Variants in GRAMD1A observed in about 807,000 individuals in gnomAD.
GRAMD1A encodes GRAM domain containing 1A, also known as protein Aster-A.
Under a neutral mutation model 92.0 loss-of-function variants are expected in GRAMD1A, and 50 were observed. The ratio of observed to expected loss-of-function variants is 0.54; its 90% CI spans 0.43 to 0.69. The LOEUF (loss-of-function observed/expected upper bound fraction) is 0.69, where lower values mean the gene tolerates loss of function less well. GRAMD1A is among the 30% of genes least tolerant of loss of function. The probability of loss-of-function intolerance (pLI) is 0.00; values close to 1 mark genes in which losing one functional copy is unlikely to be tolerated. For missense variants in GRAMD1A, 819 were observed against 978.9 expected (o/e 0.84, Z 2.18); for synonymous variants, 405 against 403.6 (o/e 1.00, Z -0.04).
chr19:35,023,017 G>A (rs1600342505), intron 17 of GRAMD1A, 106 bp downstream of exon 17: 8 of 984,138 alleles, frequency 8.1e-6, no homozygotes, highest in South Asian at 5.8e-5. Flanking sequence ...GAGGTGGCCT[G>A]GCATGGCAGT....
chr19:35,014,292 C>T lies in GRAMD1A; in HGVS notation c.974C>T (p.Pro325Leu). ...CCCCCGAGCACAGAGCCCACCCAGC[C>T]TGACGGGCCCACCACCCTGGGCCCC... ...AEPPSTEPTQ[P>L]DGPTTLGPLD... is the part of the protein sequence containing the mutation. Residue 325 changes from proline (P) to leucine (L), a missense_variant, in exon 10 of 20, where the codon CCT becomes CTT. Around this residue, in one of 3 missense-constraint regions of GRAMD1A, gnomAD observed 577 missense variants for 674.6 expected, o/e 0.86. Coordinates refer to ENST00000317991, the MANE Select transcript of GRAMD1A (RefSeq NM_020895.5). 1 of 1,614,168 alleles carries T rather than the reference C, an allele frequency of 6.2e-7. No individual in the cohort carries two copies. The highest frequency in any genetic ancestry group is 8.5e-7 in the Non-Finnish European group (1 of 1,180,000).
intron 1 of GRAMD1A, among the ~76,000 whole-genome samples, chr19:35,007,195 A>G (rs1328696387): frequency 6.6e-6 from 1 of 152,130 alleles, no homozygotes; most frequent in Non-Finnish European, 1.5e-5. Flanking sequence ...GACACCAGTG[A>G]AGAGGCTGCT....
intron 3 of GRAMD1A, 77 bp downstream of exon 3, chr19:35,009,520 T>G (rs1600291949): frequency 6.9e-7 from 1 of 1,457,224 alleles, no homozygotes; most frequent in South Asian, 1.1e-5. Flanking sequence ...GCTGCAACAG[T>G]CAAGGAGTGC....
chr19:35,010,410 G>A (rs548730268), intron 6 of GRAMD1A, 31 bp downstream of exon 6: 39 of 1,445,172 alleles, frequency 2.7e-5, no homozygotes, highest in African/African-American at 2.2e-4. Context: ...GGGACCACGC[G>A]GTCCCCCGCT....
At chr19:35,012,906 G>T (rs553747993) in intron 7 of GRAMD1A, 22 of 189,640 alleles carry the variant, frequency 1.2e-4, no homozygotes, top group African/African-American at 5.1e-4. Flanking sequence ...ACCCAGGAGG[G>T]AGAGGTTGCA....
intron 11 of GRAMD1A, among the ~76,000 whole-genome samples, chr19:35,018,591 G>A (rs991182952): frequency 1.3e-5 from 2 of 152,232 alleles, no homozygotes; most frequent in South Asian, 2.1e-4. Flanking sequence ...TCTAGGCAGA[G>A]AAGGGATAGA....
chr19:34,998,331 T>G (rs1277012738), upstream of GRAMD1A: 1 of 126,670 alleles, frequency 7.9e-6, no homozygotes, highest in African/African-American at 3.1e-5. Flanking sequence ...TGAGATGGAG[T>G]CTTGCTCTGT....
chr19:35,014,248 A>G lies in GRAMD1A; in HGVS notation c.930A>G (p.Thr310=). 6.2e-7 allele frequency: 1 copy of G among 1,614,146 alleles called. No homozygotes were observed. Among genetic ancestry groups the G allele is most frequent in the South Asian group, 1.1e-5 (1 of 91,084 alleles). Reference sequence around the variant, plus strand: ...AGCCAGACGCCTCCTCCAGCCAGACAGTGACCCCGGTGGCTGAACCCCCGA... The same window carrying G: ...AGCCAGACGCCTCCTCCAGCCAGACGGTGACCCCGGTGGCTGAACCCCCGA... The part of the protein sequence containing the change: ...DSQPDASSSQ[T]VTPVAEPPST... The change falls in exon 10 of 20, where the codon ACA becomes ACG. Residue 310 remains threonine, a synonymous_variant. Transcript: ENST00000317991.
chr19:35,003,686 GTC>G (rs1007270448), intron 1 of GRAMD1A, among the ~76,000 whole-genome samples: 42 of 152,344 alleles, frequency 2.8e-4, no homozygotes, highest in African/African-American at 7.2e-4. Flanking sequence ...CTGCTTAGGA[GTC>G]TCTCCCTGCT....
At chr19:35,004,302 G>C (rs12459630) in intron 1 of GRAMD1A, among the ~76,000 whole-genome samples, 1 of 151,814 alleles carries the variant, frequency 6.6e-6, no homozygotes, top group African/African-American at 2.4e-5. Flanking sequence ...AATTTAAAAA[G>C]CATCTCTGCC....
Position 35,026,314 on chromosome 19 carries a change from G to A in GRAMD1A, c.*173G>A, listed in dbSNP as rs2016435657. On this transcript the variant is annotated 3_prime_UTR_variant, in exon 20 of 20. Coordinates refer to ENST00000317991, the MANE Select transcript of GRAMD1A (RefSeq NM_020895.5). ...GGAACCGAGATGCACTTTAGACCAGGGAGCTGGCCCGGCCTCTGGCAGGCC... is the reference window on the plus strand; with the variant it reads ...GGAACCGAGATGCACTTTAGACCAGAGAGCTGGCCCGGCCTCTGGCAGGCC... 1 of 594,500 alleles carries A rather than the reference G, an allele frequency of 1.7e-6. No individual in the cohort carries two copies. The highest frequency in any genetic ancestry group is 2.9e-5 in the Admixed American group (1 of 34,290). 36.8% of individuals were successfully genotyped at this position (594,500 alleles called of 1,614,324 possible). A position where few individuals can be genotyped will look rare whatever the true frequency, so the allele number is the denominator to read the frequency against.
intron 11 of GRAMD1A, among the ~76,000 whole-genome samples, chr19:35,017,619 A>T (rs551774516): frequency 2.0e-5 from 3 of 151,616 alleles, no homozygotes; most frequent in Admixed American, 2.0e-4. Context: ...GCCTCAGGGG[A>T]CTTCTCTCAA....
Position 35,013,205 on chromosome 19 carries a change from G to T in GRAMD1A, c.607-51G>T. ...GGGCTGGTGGGGAATCTGGCGGGCCGGGCTCTGGCTGGGGTGAGATGGAGG... is the reference window on the plus strand; with the variant it reads ...GGGCTGGTGGGGAATCTGGCGGGCCTGGCTCTGGCTGGGGTGAGATGGAGG... On this transcript the variant is annotated intron_variant, in intron 7 of 19. Coordinates refer to ENST00000317991, the MANE Select transcript of GRAMD1A (RefSeq NM_020895.5). This position sits in a 1 kb window ranked among gnomAD's most constrained non-coding sequence, Gnocchi z 4.9. 1 of 984,256 alleles carries T rather than the reference G, an allele frequency of 1.0e-6. No individual in the cohort carries two copies. The highest frequency in any genetic ancestry group is 1.4e-5 in the South Asian group (1 of 70,696). 61.0% of individuals were successfully genotyped at this position (984,256 alleles called of 1,614,324 possible). A position where few individuals can be genotyped will look rare whatever the true frequency, so the allele number is the denominator to read the frequency against.
At chr19:35,010,759 T>G in intron 6 of GRAMD1A, 1 of 508,544 alleles carries the variant, frequency 2.0e-6, no homozygotes, top group Non-Finnish European at 3.4e-6. Flanking sequence ...GGGGGACAGG[T>G]GTGGGGGACA....
At position 35,013,341 on chromosome 19, in the gene GRAMD1A, T is replaced by G. The variant is rs1264539783; in HGVS notation, c.692T>G (p.Val231Gly). 5 of 1,555,064 alleles carry G rather than the reference T, an allele frequency of 3.2e-6. No individual in the cohort carries two copies. The East Asian group carries it at 1.2e-4, about 38-fold the overall frequency. The stretch of plus-strand genomic sequence containing the variant: ...CTCACCAGTGAGGATGAGGACTATG[T>G]CTCCCCCTTGCAGCTGAACGGTCTG... ...LGLTSEDEDY[V>G]SPLQLNGLGT... is the part of the protein sequence containing the mutation. The change falls in exon 8 of 20, where the codon GTC (valine) becomes GGC (glycine). Residue 231 changes from valine (V) to glycine (G), a missense_variant. By Grantham distance (109) the Val-to-Gly change is moderately radical. Around this residue, in one of 3 missense-constraint regions of GRAMD1A, gnomAD observed 577 missense variants for 674.6 expected, o/e 0.86. Transcript: ENST00000317991. The surrounding 1 kb of genome is among the most constrained non-coding windows in gnomAD (Gnocchi z 4.9).
chr19:35,010,232 C>T (rs2151712296), intron 5 of GRAMD1A, 37 bp downstream of exon 5: 1 of 1,584,540 alleles, frequency 6.3e-7, no homozygotes, highest in East Asian at 2.2e-5. Context: ...GGGGCGGGGG[C>T]CCCCATGGCC....
Position 35,023,522 on chromosome 19 carries a change from G to A in GRAMD1A, c.2057G>A (p.Arg686Gln), listed in dbSNP as rs749955019. Reference sequence around the variant, plus strand: ...GTGCACAAGTGGAGGCAGATCCTGCGGGCCTCCGTGGAGCTCCTGGATGAG... The same window carrying A: ...GTGCACAAGTGGAGGCAGATCCTGCAGGCCTCCGTGGAGCTCCTGGATGAG... ...VEVHKWRQIL[R>Q]ASVELLDEMK... Residue 686 changes from arginine to glutamine, a missense_variant, in exon 19 of 20, where the codon CGG becomes CAG. Transcript: ENST00000317991. 1.1e-5 allele frequency: 17 copies of A among 1,579,554 alleles called. No individual in the cohort carries two copies. Among genetic ancestry groups the A allele is most frequent in the Admixed American group, 6.0e-5 (3 of 50,106 alleles).
intron 16 of GRAMD1A, 38 bp from the exon 17 acceptor site, chr19:35,022,862 G>T: frequency 1.3e-6 from 2 of 1,598,214 alleles, no homozygotes; most frequent in Non-Finnish European, 8.5e-7. Context: ...GCCAGGCGGC[G>T]CTCATCTCTC....
intron 6 of GRAMD1A, 22 bp from the exon 7 acceptor site, chr19:35,011,448 CCTCT>C (rs140658050): frequency 1.9e-4 from 272 of 1,418,654 alleles, no homozygotes; most frequent in Non-Finnish European, 2.1e-4. Context: ...CCTGCTCACA[CCTCT>C]CTCTCTCTCT....
Sources: allele counts gnomAD v4.1 joint callset (sites outside exome capture counted in the v4.1 genomes callset), GRCh38; gene constraint gnomAD v4.1.1; regional missense constraint gnomAD v4.1.1; non-coding constraint Gnocchi (gnomAD v3.1); transcripts MANE v1.5; gene names NCBI Gene and HGNC (gene_info 2026-07-23, HGNC 2026-07-21).